COL19A1: variants seen among roughly 807,000 people sequenced by gnomAD.
The protein encoded by COL19A1 is collagen type XIX alpha 1 chain.
In COL19A1, 159 loss-of-function variants were observed where a neutral mutation model predicts 190.2. The observed-to-expected ratio is 0.84, with a 90% CI of 0.73 to 0.95. The LOEUF (loss-of-function observed/expected upper bound fraction) is 0.95, where lower values mean the gene tolerates loss of function less well. Ranked by LOEUF, COL19A1 falls within the 40% of genes least tolerant of loss-of-function variation. COL19A1 has a pLI of 0.00. For synonymous variants in COL19A1, 509 were observed against 458.9 expected (o/e 1.11, Z -1.39); for missense variants, 1,418 against 1,431.9 (o/e 0.99, Z 0.16).
Position 69,897,218 on chromosome 6 carries a change from G to A in COL19A1, c.92-1730G>A, listed in dbSNP as rs182150381. 2.3e-3 allele frequency among the ~76,000 whole-genome samples: 353 copies of A among 152,194 alleles called. 1 individual carries two copies. The highest frequency in any genetic ancestry group is 3.3e-3 in the Admixed American group (51 of 15,292). Reference sequence around the variant, plus strand: ...ATGGATATTCTGTTGACCCAGCACCGTTTAGTAAAATGACCATCCATTTCC... The same window carrying A: ...ATGGATATTCTGTTGACCCAGCACCATTTAGTAAAATGACCATCCATTTCC... On this transcript the variant is annotated intron_variant, in intron 2 of 50. Coordinates refer to ENST00000620364, the MANE Select transcript of COL19A1 (RefSeq NM_001858.6).
chr6:70,206,608 CTGAG>C (rs1391783829), intron 49 of COL19A1, among the ~76,000 whole-genome samples: 3 of 134,970 alleles, frequency 2.2e-5, no homozygotes, highest in Non-Finnish European at 4.6e-5. Context: ...GCACTCCAGC[CTGAG>C]TGACAGAGCA....
chr6:70,188,445 C>A (rs1057233721), intron 47 of COL19A1, among the ~76,000 whole-genome samples, 200 bp downstream of exon 47: 11 of 152,242 alleles, frequency 7.2e-5, no homozygotes, highest in African/African-American at 2.4e-4. Context: ...ATTTGATCTT[C>A]ACAATCATTC....
At chr6:70,184,992 G>A in intron 46 of COL19A1, 77 bp downstream of exon 46, 1 of 1,391,012 alleles carries the variant, frequency 7.2e-7, no homozygotes, top group African/African-American at 1.4e-5. Flanking sequence ...ACACAATTAT[G>A]TGTGTAGACC....
chr6:70,110,703 C>T (rs1441325009), intron 16 of COL19A1, among the ~76,000 whole-genome samples: 1 of 152,164 alleles, frequency 6.6e-6, no homozygotes, highest in Non-Finnish European at 1.5e-5. Context: ...AATTATTTCT[C>T]TTTTTCTCTC....
chr6:70,165,474 T>C (rs1480932342), intron 36 of COL19A1, among the ~76,000 whole-genome samples: 1 of 151,920 alleles, frequency 6.6e-6, no homozygotes, highest in Non-Finnish European at 1.5e-5. Flanking sequence ...ACAACACAGG[T>C]TGTGATTTTT....
intron 9 of COL19A1, among the ~76,000 whole-genome samples, chr6:69,955,101 G>C (rs1774332459): frequency 6.6e-6 from 1 of 152,034 alleles, no homozygotes; most frequent in Admixed American, 6.6e-5. Context: ...TTTTTATGAA[G>C]TTTTAAGTTT....
At chr6:70,045,169 C>G (rs979975191) in intron 14 of COL19A1, among the ~76,000 whole-genome samples, 1 of 151,744 alleles carries the variant, frequency 6.6e-6, no homozygotes, top group Non-Finnish European at 1.5e-5. Flanking sequence ...AAAAATTAGC[C>G]AGGCATGGTG....
At chr6:69,912,068 A>C (rs1216875998) in intron 4 of COL19A1, among the ~76,000 whole-genome samples, 2 of 152,146 alleles carry the variant, frequency 1.3e-5, no homozygotes, top group East Asian at 1.9e-4. Context: ...TAGGTGTTGC[A>C]CTAAACTTCC....
At chr6:70,028,397 G>T (rs573191073) in intron 12 of COL19A1, among the ~76,000 whole-genome samples, 2 of 152,244 alleles carry the variant, frequency 1.3e-5, no homozygotes, top group African/African-American at 4.8e-5. Context: ...GTCTTGTTTT[G>T]CAGATAAAGA....
At chr6:70,153,245 A>G (rs1379126371) in intron 31 of COL19A1, among the ~76,000 whole-genome samples, 1 of 152,124 alleles carries the variant, frequency 6.6e-6, no homozygotes, top group Non-Finnish European at 1.5e-5. Context: ...TGTTAACACT[A>G]TCTCTCTCTG....
chr6:70,088,476 C>A (rs926153262), intron 15 of COL19A1, among the ~76,000 whole-genome samples: 1 of 152,044 alleles, frequency 6.6e-6, no homozygotes, highest in Non-Finnish European at 1.5e-5. Flanking sequence ...TGTATCACCT[C>A]AATATAATAT....
chr6:69,933,155 CA>C (rs1015477737), intron 7 of COL19A1, among the ~76,000 whole-genome samples: 1 of 152,026 alleles, frequency 6.6e-6, no homozygotes, highest in African/African-American at 2.4e-5. Context: ...GCATCATTTC[CA>C]GTTACAGAAG....
intron 48 of COL19A1, among the ~76,000 whole-genome samples, chr6:70,197,736 G>C (rs1318401789): frequency 2.0e-5 from 3 of 152,152 alleles, no homozygotes; most frequent in Non-Finnish European, 2.9e-5. Context: ...CTTGGGACCA[G>C]CATCCATTAG....
intron 11 of COL19A1, among the ~76,000 whole-genome samples, chr6:69,966,636 G>C: frequency 6.6e-6 from 1 of 152,054 alleles, no homozygotes; most frequent in South Asian, 2.1e-4. Context: ...CACTGTGGAA[G>C]GCAGCAGGGC....
intron 15 of COL19A1, 136 bp from the exon 16 acceptor site, chr6:70,102,033 A>T: frequency 1.3e-6 from 1 of 762,896 alleles, no homozygotes; most frequent in South Asian, 1.8e-5. Context: ...TTGATATTTA[A>T]AAGTCATGTG....
intron 1 of COL19A1, among the ~76,000 whole-genome samples, chr6:69,876,548 G>C (rs1768142615): frequency 6.6e-6 from 1 of 152,078 alleles, no homozygotes; most frequent in South Asian, 2.1e-4. Flanking sequence ...TAATACACAT[G>C]CATTAAATAA....
chr6:70,051,439 G>C (rs1416196957), intron 14 of COL19A1, among the ~76,000 whole-genome samples: 1 of 152,056 alleles, frequency 6.6e-6, no homozygotes, highest in East Asian at 1.9e-4. Flanking sequence ...TGTTTGTTTT[G>C]GTTGCCCTTG....
At chr6:69,959,849 A>G (rs974246370) in intron 9 of COL19A1, 147 bp from the exon 10 acceptor site, 1 of 565,682 alleles carries the variant, frequency 1.8e-6, no homozygotes, top group Non-Finnish European at 2.9e-6. Context: ...GAAATAAGGA[A>G]CAGATGGAAA....
intron 16 of COL19A1, among the ~76,000 whole-genome samples, chr6:70,102,921 C>G (rs968860915): frequency 6.6e-6 from 1 of 152,118 alleles, no homozygotes; most frequent in Non-Finnish European, 1.5e-5. Context: ...TGACTGCTCT[C>G]TCCTTGAAAC....
Sources: gnomAD v4.1 joint callset for allele counts (sites outside exome capture counted in the v4.1 genomes callset) on GRCh38, gnomAD v4.1.1 for gene constraint, MANE v1.5 for transcripts, NCBI Gene and HGNC (gene_info 2026-07-23, HGNC 2026-07-21) for gene names.